The following CLPX variants were observed in gnomAD, a reference collection of about 807,000 sequenced individuals.
CLPX encodes caseinolytic mitochondrial matrix peptidase chaperone subunit X.
CLPX carries 34 observed loss-of-function variants against 76.4 expected under a neutral mutation model. The ratio of observed to expected loss-of-function variants is 0.45; its 90% CI spans 0.34 to 0.59. The LOEUF (loss-of-function observed/expected upper bound fraction) is 0.59, where lower values mean the gene tolerates loss of function less well. Among genes scored for constraint, CLPX ranks in the 20% least tolerant of loss-of-function variants. CLPX has a pLI of 0.01. For synonymous variants in CLPX, 248 were observed against 270.9 expected (o/e 0.92, Z 0.83); for missense variants, 613 against 757.0 (o/e 0.81, Z 2.23).
Position 65,185,242 on chromosome 15 carries a change from T to C in CLPX, c.-89A>G. ...CTGCCCGCAAGGCGCGCTGACTCGG[T>C]TCCGAACCCTTTCGCGGGCCCTAGA... On this transcript the variant is annotated 5_prime_UTR_variant, in exon 1 of 14. Coordinates refer to ENST00000300107, the MANE Select transcript of CLPX (RefSeq NM_006660.5). 1.8e-6 allele frequency: 2 copies of C among 1,116,030 alleles called. No homozygotes were observed. Among genetic ancestry groups the C allele is most frequent in the Non-Finnish European group, 2.6e-6 (2 of 768,388 alleles). 69.1% of individuals were successfully genotyped at this position (1,116,030 alleles called of 1,614,324 possible). A position where few individuals can be genotyped will look rare whatever the true frequency, so the allele number is the denominator to read the frequency against.
intron 12 of CLPX, among the ~76,000 whole-genome samples, chr15:65,153,244 G>C (rs1057248026): frequency 5.3e-5 from 8 of 151,584 alleles, no homozygotes; most frequent in Admixed American, 2.0e-4. Context: ...GAGGTTAGGA[G>C]TTTGAGACCA....
intron 3 of CLPX, among the ~76,000 whole-genome samples, chr15:65,174,255 G>T (rs1254711017): frequency 7.3e-6 from 1 of 136,956 alleles, no homozygotes; most frequent in Non-Finnish European, 1.6e-5. Context: ...TTACAGGCGT[G>T]AGCCACCATG....
intron 7 of CLPX, chr15:65,158,338 T>C: frequency 2.3e-6 from 1 of 427,174 alleles, no homozygotes; most frequent in South Asian, 4.7e-5. Context: ...TATTTAGATA[T>C]AGCTGTTTTT....
At chr15:65,172,349 A>G (rs917435536) in intron 3 of CLPX, among the ~76,000 whole-genome samples, 4 of 152,188 alleles carry the variant, frequency 2.6e-5, no homozygotes, top group African/African-American at 7.2e-5. Context: ...AACAGCTACT[A>G]CAAGTATCCT....
intron 3 of CLPX, among the ~76,000 whole-genome samples, chr15:65,168,202 G>A (rs889146847): frequency 1.3e-5 from 2 of 150,784 alleles, no homozygotes; most frequent in African/African-American, 4.9e-5. Flanking sequence ...TGGCTAACAC[G>A]GTAAAACCCT....
Position 65,152,443 on chromosome 15 carries a change from G to T in CLPX, c.1798C>A (p.Pro600Thr). The change falls in exon 13 of 14, where the codon CCA becomes ACA. Residue 600 changes from proline (P) to threonine (T), a missense_variant. Coordinates refer to ENST00000300107, the MANE Select transcript of CLPX (RefSeq NM_006660.5). The stretch of plus-strand genomic sequence containing the variant: ...AATACACTTTACCGGATGTATCCTG[G>T]TTCCTTTTTTCCTTCTACTACTTCT... ...DKEVVEGKKE[P>T]GYIRAPTKES... 1 of 1,535,642 alleles carries T rather than the reference G, an allele frequency of 6.5e-7. No homozygotes were observed. Among genetic ancestry groups the T allele is most frequent in the South Asian group, 1.3e-5 (1 of 79,288 alleles).
rs1001939058 is a variant in CLPX at position 65,180,931 on chromosome 15, T to C, written c.80-727A>G. 3.4e-5 allele frequency among the ~76,000 whole-genome samples: 5 copies of C among 147,718 alleles called. No homozygotes were observed. The Admixed American group carries it at 3.4e-4, about 10-fold the overall frequency. ...AAAAAAAAAAAAAAATCTGTAACAA[T>C]GGAAACAAACTTCAAATGTTCTTTA... On this transcript the variant is annotated intron_variant, in intron 1 of 13. Coordinates refer to ENST00000300107, the MANE Select transcript of CLPX (RefSeq NM_006660.5).
At chr15:65,152,835 A>C (rs979074515) in intron 12 of CLPX, among the ~76,000 whole-genome samples, 24 of 151,646 alleles carry the variant, frequency 1.6e-4, no homozygotes, top group African/African-American at 5.8e-4. Flanking sequence ...GAGCTCAGGC[A>C]ATCCGCCTGC....
At position 65,165,512 on chromosome 15, in the gene CLPX, T is replaced by C. The variant is rs1441224046; in HGVS notation, c.513+1119A>G. ...CATTCTCCTGCCTCAGCCTCCCGAG[T>C]AGCCAGGACTAAAGGCACCCGCCAC... On this transcript the variant is annotated intron_variant, in intron 4 of 13. Transcript: ENST00000300107. Among the ~76,000 whole-genome samples, 16 of 150,362 alleles carry C rather than the reference T, an allele frequency of 1.1e-4. 1 individual carries two copies. The Admixed American group carries it at 1.1e-3, about 10-fold the overall frequency.
At chr15:65,169,467 C>T (rs946246939) in intron 3 of CLPX, among the ~76,000 whole-genome samples, 4 of 152,012 alleles carry the variant, frequency 2.6e-5, no homozygotes, top group African/African-American at 4.8e-5. Context: ...ACCTGTAAAC[C>T]CAGCACTTTG....
At chr15:65,173,791 A>G (rs987957168) in intron 3 of CLPX, among the ~76,000 whole-genome samples, 7 of 152,236 alleles carry the variant, frequency 4.6e-5, no homozygotes, top group African/African-American at 1.7e-4. Flanking sequence ...CACATATCGT[A>G]TAATTCCATT....
rs146800403 is a variant in CLPX at position 65,155,851 on chromosome 15, T to C, written c.1152A>G (p.Leu384=). 1,516 of 1,612,354 alleles carry C rather than the reference T, an allele frequency of 9.4e-4. 27 individuals carry two copies. In the East Asian group the frequency reaches 0.028, roughly 30 times the overall value. ...DVGGEGVQQG[L]LKLLEGTIVN... ...CTATTGTGCCTTCTAGTAGTTTTAATAAGCCCTAAATAAAGAACAAATGAT... is the reference window on the plus strand; with the variant it reads ...CTATTGTGCCTTCTAGTAGTTTTAACAAGCCCTAAATAAAGAACAAATGAT... The change falls in exon 10 of 14, where the codon TTA becomes TTG. Residue 384 remains leucine, a synonymous_variant. Coordinates refer to ENST00000300107, the MANE Select transcript of CLPX (RefSeq NM_006660.5).
rs2088243494 is a variant in CLPX, at chr15:65,185,209, C to A, written c.-56G>T. 2 of 1,432,436 alleles carry A rather than the reference C, an allele frequency of 1.4e-6. No individual in the cohort carries two copies. Among genetic ancestry groups the A allele is most frequent in the Non-Finnish European group, 9.6e-7 (1 of 1,044,518 alleles). 88.7% of individuals were successfully genotyped at this position (1,432,436 alleles called of 1,614,324 possible). On this transcript the variant is annotated 5_prime_UTR_variant, in exon 1 of 14. Coordinates refer to ENST00000300107, the MANE Select transcript of CLPX (RefSeq NM_006660.5). ...CCTGAGGACCTCCGGGTCACAGCGG[C>A]GTGAATCCTGCCCGCAAGGCGCGCT...
chr15:65,172,386 G>A (rs891448584), intron 3 of CLPX, among the ~76,000 whole-genome samples: 4 of 152,038 alleles, frequency 2.6e-5, no homozygotes, highest in Non-Finnish European at 4.4e-5. Context: ...AATGTTGTTG[G>A]TTTGGGAGGC....
rs1367476844 is a variant in CLPX, at chr15:65,156,887, C to A, written c.1103G>T (p.Gly368Val). The stretch of plus-strand genomic sequence containing the variant: ...ACCTACATCCCGTAATTGATGAATG[C>A]CTGGCACACTGCCAATCTTATCTAC... Reference protein sequence around the residue: ...DEVDKIGSVPGIHQLRDVGGE... With the variant: ...DEVDKIGSVPVIHQLRDVGGE... Residue 368 changes from glycine (G) to valine (V), a missense_variant, in exon 9 of 14, where the codon GGC (glycine) becomes GTC (valine). Around this residue, in one of 2 missense-constraint regions of CLPX, gnomAD observed 450 missense variants for 638.6 expected, o/e 0.70. Transcript: ENST00000300107. The A allele has an allele frequency of 1.2e-6, 2 of 1,613,368 alleles. No homozygotes were observed. The highest frequency in any genetic ancestry group is 3.3e-5 in the Admixed American group (2 of 59,872).
intron 8 of CLPX, 55 bp from the exon 9 acceptor site, chr15:65,156,987 C>A (rs1051813183): frequency 2.5e-6 from 3 of 1,185,144 alleles, no homozygotes; most frequent in Admixed American, 4.0e-5. Context: ...CACAAGATAG[C>A]CTCAGCTTTA....
At chr15:65,170,271 C>G (rs117122735) in intron 3 of CLPX, among the ~76,000 whole-genome samples, 142 of 151,626 alleles carry the variant, frequency 9.4e-4, no homozygotes, top group Non-Finnish European at 1.3e-3. Context: ...GCTAGTATGT[C>G]TAAGTAATAC....
chr15:65,166,845 C>G, intron 3 of CLPX, 60 bp from the exon 4 acceptor site: 3 of 1,488,606 alleles, frequency 2.0e-6, no homozygotes, highest in Non-Finnish European at 2.7e-6. Flanking sequence ...TAGTGTTTAA[C>G]CTTAAAGACT....
chr15:65,168,697 T>C (rs1225210373), intron 3 of CLPX, among the ~76,000 whole-genome samples: 2 of 151,538 alleles, frequency 1.3e-5, no homozygotes, highest in Non-Finnish European at 2.9e-5. Context: ...TGTATACCTA[T>C]GTAACAAACC....
Sources: allele counts gnomAD v4.1 joint callset (sites outside exome capture counted in the v4.1 genomes callset), GRCh38; gene constraint gnomAD v4.1.1; regional missense constraint gnomAD v4.1.1; transcripts MANE v1.5; gene names NCBI Gene and HGNC (gene_info 2026-07-23, HGNC 2026-07-21).